The following TENM4 variants were observed in gnomAD, a reference collection of about 807,000 sequenced individuals.
TENM4 encodes teneurin transmembrane protein 4.
In TENM4, 82 loss-of-function variants were observed where a neutral mutation model predicts 243.3. The observed-to-expected ratio is 0.34, with a 90% CI of 0.28 to 0.40. The LOEUF (loss-of-function observed/expected upper bound fraction) is 0.40. Among genes scored for constraint, TENM4 ranks in the 10% least tolerant of loss-of-function variants. The pLI, the probability that TENM4 is intolerant of heterozygous loss-of-function variation, is 1.00. For synonymous variants in TENM4, 1,412 were observed against 1,456.3 expected, an observed-to-expected ratio of 0.97 and a Z score of 0.69; for missense variants, 3,138 against 3,673.3, an observed-to-expected ratio of 0.85 and a Z score of 3.77.
chr11:78,982,570 C>T (rs914527497), intron 6 of TENM4, among the ~76,000 whole-genome samples: 6 of 152,162 alleles, frequency 3.9e-5, no homozygotes, highest in African/African-American at 1.4e-4. Flanking sequence ...TCTCCTCACA[C>T]CCCCAATAGG....
In TENM4 at chr11:79,392,712, C is replaced by G. The variant is rs546459900; in HGVS notation, c.-321+47797G>C. Among the ~76,000 whole-genome samples the G allele has an allele frequency of 3.9e-5, 6 of 152,326 alleles. No homozygotes were observed. In the South Asian group the frequency reaches 6.2e-4, roughly 16 times the overall value. On this transcript the variant is annotated intron_variant, in intron 1 of 33. Coordinates refer to ENST00000278550, the MANE Select transcript of TENM4 (RefSeq NM_001098816.3). The stretch of plus-strand genomic sequence containing the variant: ...TACTTGCTGTGCAACTCTGGGCAAG[C>G]TACAGAGCCCCTCTGAATGTCATCT...
intron 3 of TENM4, among the ~76,000 whole-genome samples, chr11:79,184,762 G>A (rs752841447): frequency 1.0e-3 from 158 of 152,314 alleles, no homozygotes; most frequent in Non-Finnish European, 1.8e-3. Context: ...TAGAGTTTCA[G>A]TTTGGAAGAT....
chr11:78,842,541 C>T (rs1358047876), intron 12 of TENM4, among the ~76,000 whole-genome samples: 1 of 152,270 alleles, frequency 6.6e-6, no homozygotes, highest in Non-Finnish European at 1.5e-5. Context: ...CAAAACCAGA[C>T]TTCCAAGCTG....
intron 4 of TENM4, among the ~76,000 whole-genome samples, chr11:79,137,967 A>G (rs1313650970): frequency 6.6e-6 from 1 of 152,004 alleles, no homozygotes; most frequent in African/African-American, 2.4e-5. Flanking sequence ...ATTGAAGGAT[A>G]CAAAGTACTG....
At chr11:79,089,782 A>AG (rs1477189236) in intron 4 of TENM4, among the ~76,000 whole-genome samples, 1 of 152,178 alleles carries the variant, frequency 6.6e-6, no homozygotes. Context: ...ACCAATAACA[A>AG]GTACACACAG....
intron 6 of TENM4, among the ~76,000 whole-genome samples, chr11:78,920,866 A>G (rs1452067254): frequency 1.3e-5 from 2 of 152,230 alleles, no homozygotes; most frequent in African/African-American, 4.8e-5. Context: ...CAGGTCAACC[A>G]AAGAGTGCAT....
chr11:78,961,022 T>C (rs12295891), intron 6 of TENM4, among the ~76,000 whole-genome samples: 5,037 of 152,310 alleles, frequency 0.033, 301 homozygotes, highest in African/African-American at 0.12. Flanking sequence ...GGAGAGGCAA[T>C]GTGACTTATC....
intron 6 of TENM4, among the ~76,000 whole-genome samples, chr11:78,924,233 C>T (rs1856509449): frequency 6.6e-6 from 1 of 152,190 alleles, no homozygotes. Context: ...GTCCACAGTG[C>T]TGCTAGCAGC....
At chr11:79,282,777 G>T (rs898514451) in intron 2 of TENM4, among the ~76,000 whole-genome samples, 2 of 151,502 alleles carry the variant, frequency 1.3e-5, no homozygotes, top group African/African-American at 4.9e-5. Context: ...CTTCAATGGA[G>T]TATTTATTCA....
At position 78,805,505 on chromosome 11, in the gene TENM4, G is replaced by C. The variant is rs1591037342; in HGVS notation, c.1979-13C>G. ...TCCATGCAGTCCACTGTGAGATGGAGGAAGGAGAACATAGGTAAGCATCTG... is the reference window on the plus strand; with the variant it reads ...TCCATGCAGTCCACTGTGAGATGGACGAAGGAGAACATAGGTAAGCATCTG... On this transcript the variant is annotated splice_polypyrimidine_tract_variant and intron_variant, in intron 14 of 33. Coordinates refer to ENST00000278550, the MANE Select transcript of TENM4 (RefSeq NM_001098816.3). 1 of 1,564,222 alleles carries C rather than the reference G, an allele frequency of 6.4e-7. No individual in the cohort carries two copies. Among genetic ancestry groups the C allele is most frequent in the Non-Finnish European group, 8.7e-7 (1 of 1,154,596 alleles).
chr11:79,084,217 T>C (rs4945326), intron 4 of TENM4, among the ~76,000 whole-genome samples: 42,681 of 152,124 alleles, frequency 0.28, 6,078 homozygotes, highest in East Asian at 0.43. Context: ...AGTGACAACA[T>C]TAAATGCTGG....
intron 9 of TENM4, among the ~76,000 whole-genome samples, chr11:78,869,121 G>A (rs904845994): frequency 6.6e-6 from 1 of 151,898 alleles, no homozygotes; most frequent in African/African-American, 2.4e-5. Flanking sequence ...AGATGTACAC[G>A]GCAGGATAAC....
intron 4 of TENM4, chr11:79,093,196 C>T (rs1276619324): frequency 6.6e-6 from 1 of 152,218 alleles, no homozygotes; most frequent in Non-Finnish European, 1.5e-5. Flanking sequence ...TCTGTTTCCT[C>T]TTTGCCAGAT....
At chr11:79,104,297 T>A (rs560856806) in intron 4 of TENM4, among the ~76,000 whole-genome samples, 1 of 152,370 alleles carries the variant, frequency 6.6e-6, no homozygotes, top group African/African-American at 2.4e-5. Flanking sequence ...TGTGAGTAAC[T>A]GAAAGTACAG....
chr11:79,055,513 A>C (rs1384949009), intron 6 of TENM4, among the ~76,000 whole-genome samples: 3 of 152,192 alleles, frequency 2.0e-5, no homozygotes, highest in Non-Finnish European at 4.4e-5. Flanking sequence ...AAGTGCTGGG[A>C]TTATGGGCGT....
intron 17 of TENM4, 143 bp downstream of exon 17, chr11:78,778,459 G>A: frequency 1.1e-6 from 1 of 876,894 alleles, no homozygotes; most frequent in Non-Finnish European, 1.8e-6. Flanking sequence ...AATGGATGCT[G>A]CGACAAAACT....
chr11:79,040,704 T>C (rs1859500774), intron 6 of TENM4, among the ~76,000 whole-genome samples: 1 of 152,142 alleles, frequency 6.6e-6, no homozygotes, highest in Non-Finnish European at 1.5e-5. Flanking sequence ...CTTGCCAAGC[T>C]CAAGGCAAGT....
At chr11:79,344,441 A>G (rs1857293919) in intron 1 of TENM4, among the ~76,000 whole-genome samples, 1 of 152,188 alleles carries the variant, frequency 6.6e-6, no homozygotes, top group African/African-American at 2.4e-5. Flanking sequence ...ACACAGGCCC[A>G]TGAGGAGATC....
In TENM4 at chr11:79,165,379, T is replaced by G. The variant is rs1450222852; in HGVS notation, c.-162-16573A>C. Among the ~76,000 whole-genome samples the G allele has an allele frequency of 3.9e-5, 6 of 152,320 alleles. No individual in the cohort carries two copies. The East Asian group carries it at 1.2e-3, about 29-fold the overall frequency. ...ATTGTGTTGTGGTTTTGATTTGCAT[T>G]TCCCTGATCATTAGTGATGTTGAGC... is the stretch of plus-strand genomic sequence containing the variant. On this transcript the variant is annotated intron_variant, in intron 3 of 33. Transcript: ENST00000278550.
Sources: gnomAD v4.1 joint callset for allele counts (sites outside exome capture counted in the v4.1 genomes callset) on GRCh38, gnomAD v4.1.1 for gene constraint, MANE v1.5 for transcripts, NCBI Gene and HGNC (gene_info 2026-07-23, HGNC 2026-07-21) for gene names.